CTTNBP2: variants seen among roughly 807,000 people sequenced by gnomAD.
The protein encoded by CTTNBP2 is cortactin binding protein 2.
CTTNBP2 carries 108 observed loss-of-function variants against 156.9 expected under a neutral mutation model. That is an observed-to-expected ratio of 0.69 (90% CI 0.59 to 0.81). The LOEUF is 0.81. Among genes scored for constraint, CTTNBP2 ranks in the 30% least tolerant of loss-of-function variants. CTTNBP2 has a pLI of 0.00. For missense variants in CTTNBP2, 1,924 were observed against 2,035.4 expected (o/e 0.95, Z 1.05); for synonymous variants, 767 against 751.8 (o/e 1.02, Z -0.33).
chr7:117,730,882 CATT>C (rs764900185), intron 16 of CTTNBP2, among the ~76,000 whole-genome samples: 67 of 152,018 alleles, frequency 4.4e-4, no homozygotes, highest in Non-Finnish European at 8.4e-4. Flanking sequence ...TATAATCAAA[CATT>C]ATTTTTTCGG....
chr7:117,793,549 C>T (rs917229089), intron 3 of CTTNBP2: 20 of 152,358 alleles, frequency 1.3e-4, no homozygotes, highest in African/African-American at 4.8e-4. Context: ...CTTCCCGTAG[C>T]GCTCCTGCAG....
At chr7:117,814,790 A>G (rs893191351) in intron 2 of CTTNBP2, among the ~76,000 whole-genome samples, 2 of 152,228 alleles carry the variant, frequency 1.3e-5, no homozygotes, top group East Asian at 3.8e-4. Context: ...GAAGTATAAA[A>G]TATGTACATT....
rs187158460 is a variant in CTTNBP2 at position 117,779,456 on chromosome 7, T to G, written c.2523+985A>C. On this transcript the variant is annotated intron_variant, in intron 7 of 22. Coordinates refer to ENST00000160373, the MANE Select transcript of CTTNBP2 (RefSeq NM_033427.3). ...TCAGCAACTAGTTGGAGAGAATGGA[T>G]TTCTGTGTTCTCTAACTTAGGATGT... 1.5e-3 allele frequency among the ~76,000 whole-genome samples: 228 copies of G among 152,256 alleles called. 2 individuals are homozygous for G. Among genetic ancestry groups the G allele is most frequent in the Admixed American group, 0.01 (159 of 15,294 alleles).
chr7:117,734,783 G>T (rs190883777), intron 16 of CTTNBP2, 130 bp downstream of exon 16: 1 of 574,164 alleles, frequency 1.7e-6, no homozygotes. Context: ...ATGTTTTTTG[G>T]CCCTTGAATG....
At chr7:117,869,086 A>G (rs939720498) in intron 1 of CTTNBP2, among the ~76,000 whole-genome samples, 4 of 152,222 alleles carry the variant, frequency 2.6e-5, no homozygotes, top group African/African-American at 9.6e-5. Flanking sequence ...CTCAATCATC[A>G]TTTTGAAAAG....
At chr7:117,749,318 C>T (rs1167703913) in intron 12 of CTTNBP2, among the ~76,000 whole-genome samples, 1 of 152,154 alleles carries the variant, frequency 6.6e-6, no homozygotes, top group Non-Finnish European at 1.5e-5. Flanking sequence ...GCTGAATCTC[C>T]TTCTTGGGTC....
At chr7:117,821,775 A>G (rs2117030193) in intron 2 of CTTNBP2, among the ~76,000 whole-genome samples, 1 of 152,056 alleles carries the variant, frequency 6.6e-6, no homozygotes, top group African/African-American at 2.4e-5. Context: ...TGTTTTTAGT[A>G]GAGATGGGGT....
chr7:117,782,074 G>A (rs1454910642), intron 6 of CTTNBP2, among the ~76,000 whole-genome samples: 1 of 151,942 alleles, frequency 6.6e-6, no homozygotes, highest in Non-Finnish European at 1.5e-5. Flanking sequence ...AATAACATGG[G>A]GTCAACCTTA....
chr7:117,870,787 G>A lies in CTTNBP2; in HGVS notation c.81+2548C>T, dbSNP rs117892604. On this transcript the variant is annotated intron_variant, in intron 1 of 22. Transcript: ENST00000160373. ...GCACTGAAAATAGCCCAGGTTTCCC[G>A]GCACGGTTCACGGCAAAGACTATTA... Among the ~76,000 whole-genome samples the A allele has an allele frequency of 6.1e-4, 93 of 152,264 alleles. No individual in the cohort carries two copies. The East Asian group carries it at 0.013, about 21-fold the overall frequency.
intron 3 of CTTNBP2, among the ~76,000 whole-genome samples, chr7:117,806,689 T>A (rs548631074): frequency 2.0e-5 from 3 of 151,778 alleles, no homozygotes; most frequent in African/African-American, 7.2e-5. Flanking sequence ...GTTTCAAGAG[T>A]GGGAAGGCAA....
rs1443107630 is a variant in CTTNBP2 at position 117,865,677 on chromosome 7, A to AAAG, written c.82-4362_82-4361insCTT. Among the ~76,000 whole-genome samples the AAAG allele has an allele frequency of 2.1e-5, 3 of 145,966 alleles. No individual in the cohort carries two copies. The East Asian group carries it at 5.8e-4, about 28-fold the overall frequency. On this transcript the variant is annotated intron_variant, in intron 1 of 22. Coordinates refer to ENST00000160373, the MANE Select transcript of CTTNBP2 (RefSeq NM_033427.3). The stretch of plus-strand genomic sequence containing the variant: ...CAGAACAAGACTCCATCTCCAAAAA[A>AAAG]AAAAAAAAAAAAAGAAAAGAAAAAA...
At chr7:117,809,088 T>C (rs1800113145) in intron 3 of CTTNBP2, among the ~76,000 whole-genome samples, 1 of 152,162 alleles carries the variant, frequency 6.6e-6, no homozygotes, top group Non-Finnish European at 1.5e-5. Flanking sequence ...CATTTTATAT[T>C]AGCCTCTCAG....
chr7:117,845,937 G>A (rs1009199102), intron 2 of CTTNBP2, among the ~76,000 whole-genome samples: 10 of 151,722 alleles, frequency 6.6e-5, no homozygotes, highest in Non-Finnish European at 1.2e-4. Context: ...TGCAAGCTCC[G>A]CTTCCCGGGT....
Position 117,711,226 on chromosome 7 carries a change from C to A in CTTNBP2, c.*311G>T. 4.0e-6 allele frequency: 1 copy of A among 250,726 alleles called. No homozygotes were observed. Among genetic ancestry groups the A allele is most frequent in the Non-Finnish European group, 7.8e-6 (1 of 128,772 alleles). 15.5% of individuals were successfully genotyped at this position (250,726 alleles called of 1,614,324 possible). On this transcript the variant is annotated 3_prime_UTR_variant, in exon 23 of 23. Coordinates refer to ENST00000160373, the MANE Select transcript of CTTNBP2 (RefSeq NM_033427.3). ...ACATATATACATATATACAGATATACAGTACACAGTTCTGTTTTAATACCC... is the reference window on the plus strand; with the variant it reads ...ACATATATACATATATACAGATATAAAGTACACAGTTCTGTTTTAATACCC...
chr7:117,765,683 T>C (rs1035090803), intron 9 of CTTNBP2, among the ~76,000 whole-genome samples: 1 of 152,158 alleles, frequency 6.6e-6, no homozygotes, highest in Non-Finnish European at 1.5e-5. Flanking sequence ...TTATATACCA[T>C]TTCCCTCTCC....
chr7:117,791,764 T>C lies in CTTNBP2; in HGVS notation c.1432A>G (p.Ser478Gly). Residue 478 changes from serine (S) to glycine (G), a missense_variant, in exon 4 of 23, where the codon AGT becomes GGT. Coordinates refer to ENST00000160373, the MANE Select transcript of CTTNBP2 (RefSeq NM_033427.3). ...TGTTTGGCCACTAGGTTGTCACGACTTGTAGGCGAGACATCTCTTGACGGA... is the reference window on the plus strand; with the variant it reads ...TGTTTGGCCACTAGGTTGTCACGACCTGTAGGCGAGACATCTCTTGACGGA... ...SPPSRDVSPT[S>G]RDNLVAKQLA... is the part of the protein sequence containing the mutation. 1 of 1,614,208 alleles carries C rather than the reference T, an allele frequency of 6.2e-7. No individual in the cohort carries two copies. Among genetic ancestry groups the C allele is most frequent in the South Asian group, 1.1e-5 (1 of 91,084 alleles).
intron 16 of CTTNBP2, among the ~76,000 whole-genome samples, chr7:117,732,554 G>A (rs963600101): frequency 9.3e-5 from 14 of 151,160 alleles, no homozygotes; most frequent in Non-Finnish European, 1.5e-4. Flanking sequence ...GGAGGCTGAG[G>A]CAGGAGAATG....
chr7:117,791,612 A>G lies in CTTNBP2; in HGVS notation c.1584T>C (p.Ser528=). The change falls in exon 4 of 23, where the codon AGT becomes AGC. Residue 528 remains serine (S), a synonymous_variant. Coordinates refer to ENST00000160373, the MANE Select transcript of CTTNBP2 (RefSeq NM_033427.3). ...CTCGTGCTACACCATGAGTCTTTAA[A>G]CTGGTCCGACCAACTGGAGGGTGGG... The part of the protein sequence containing the change: ...VGTHPPVGRT[S]LKTHGVARVD... The G allele has an allele frequency of 1.2e-6, 2 of 1,614,012 alleles. No homozygotes were observed. Among genetic ancestry groups the G allele is most frequent in the African/African-American group, 2.7e-5 (2 of 74,996 alleles).
chr7:117,810,305 T>C (rs911956470), intron 3 of CTTNBP2, among the ~76,000 whole-genome samples: 16 of 152,144 alleles, frequency 1.1e-4, no homozygotes, highest in African/African-American at 3.9e-4. Context: ...GTTATTTTCA[T>C]TTCCCCCCGC....
Sources: gnomAD v4.1 joint callset for allele counts (sites outside exome capture counted in the v4.1 genomes callset) on GRCh38, gnomAD v4.1.1 for gene constraint, MANE v1.5 for transcripts, NCBI Gene and HGNC (gene_info 2026-07-23, HGNC 2026-07-21) for gene names.